Variants in LARP1B observed in about 807,000 individuals in gnomAD.
The protein encoded by LARP1B is la-related protein 1B.
A neutral mutation model predicts 114.2 loss-of-function variants in LARP1B; 76 were observed. That is an observed-to-expected ratio of 0.67 (90% CI 0.55 to 0.81). The LOEUF is 0.81. Among genes scored for constraint, LARP1B ranks in the 30% least tolerant of loss-of-function variants. The pLI, the probability that LARP1B is intolerant of heterozygous loss-of-function variation, is 0.00. For missense variants in LARP1B, 1,014 were observed against 1,075.8 expected, an observed-to-expected ratio of 0.94 and a Z score of 0.80; for synonymous variants, 345 against 348.0, an observed-to-expected ratio of 0.99 and a Z score of 0.10.
Position 128,121,878 on chromosome 4 carries a change from A to G in LARP1B, c.1214A>G (p.Glu405Gly), listed in dbSNP as rs750004205. 18 of 1,611,362 alleles carry G rather than the reference A, an allele frequency of 1.1e-5. No individual in the cohort carries two copies. The South Asian group carries it at 1.4e-4, about 13-fold the overall frequency. The change falls in exon 11 of 20, where the codon GAA becomes GGA. Residue 405 changes from glutamate (E) to glycine (G), a missense_variant. Glu to Gly is a moderately conservative substitution (Grantham distance 98). Transcript: ENST00000326639. Reference protein sequence around the residue: ...GSLNQLCSSEEPEQEELDFLF... With the variant: ...GSLNQLCSSEGPEQEELDFLF... ...TTAAATCAGCTATGTTCTTCAGAAG[A>G]ACCAGAACAAGAAGAACTTGATTTT...
chr4:128,080,719 G>A (rs1480456157), intron 4 of LARP1B, among the ~76,000 whole-genome samples: 11 of 152,002 alleles, frequency 7.2e-5, no homozygotes, highest in Non-Finnish European at 1.5e-4. Context: ...TAAATAATTA[G>A]TTACATTGTC....
chr4:128,126,456 CA>C (rs1561326796), intron 11 of LARP1B, among the ~76,000 whole-genome samples: 1 of 151,988 alleles, frequency 6.6e-6, no homozygotes, highest in Non-Finnish European at 1.5e-5. Flanking sequence ...GATTATTAAA[CA>C]AAATATGCAG....
rs1265840542 is a variant in LARP1B at position 128,114,716 on chromosome 4, C to T, written c.1135C>T (p.His379Tyr). 1 of 1,614,040 alleles carries T rather than the reference C, an allele frequency of 6.2e-7. No homozygotes were observed. Among genetic ancestry groups the T allele is most frequent in the South Asian group, 1.1e-5 (1 of 91,062 alleles). ...SEPWIEVKKR[H>Y]QPAPVKLRES... ...ACCTTGGATAGAAGTTAAAAAAAGA[C>T]ATCAGCCAGCCCCAGTGAAATTGAG... is the stretch of plus-strand genomic sequence containing the variant. Residue 379 changes from histidine (H) to tyrosine (Y), a missense_variant, in exon 10 of 20, where the codon CAT (histidine) becomes TAT (tyrosine). By Grantham distance (83) the His-to-Tyr change is moderately conservative. Coordinates refer to ENST00000326639, the MANE Select transcript of LARP1B (RefSeq NM_018078.4).
chr4:128,090,928 T>C lies in LARP1B; in HGVS notation c.359-73T>C, dbSNP rs542378824. On this transcript the variant is annotated intron_variant, in intron 5 of 19. Transcript: ENST00000326639. Reference sequence around the variant, plus strand: ...ACAAAGTGGAAGAAGGTGGCTATTATGTTTTCATAAAGACAATCATGTTAT... The same window carrying C: ...ACAAAGTGGAAGAAGGTGGCTATTACGTTTTCATAAAGACAATCATGTTAT... The C allele has an allele frequency of 3.8e-5, 45 of 1,193,934 alleles. No homozygotes were observed. In the South Asian group the frequency reaches 5.8e-4, roughly 15 times the overall value. 74.0% of individuals were successfully genotyped at this position (1,193,934 alleles called of 1,614,324 possible).
chr4:128,197,724 C>A (rs977921670), intron 15 of LARP1B, among the ~76,000 whole-genome samples: 16 of 151,812 alleles, frequency 1.1e-4, no homozygotes, highest in African/African-American at 3.1e-4. Flanking sequence ...AGAAAAAAAA[C>A]CTATTTTTTT....
intron 12 of LARP1B, among the ~76,000 whole-genome samples, chr4:128,167,431 T>C (rs1741613653): frequency 6.6e-6 from 1 of 152,094 alleles, no homozygotes; most frequent in Non-Finnish European, 1.5e-5. Flanking sequence ...ATTCTTGCTA[T>C]TGAGTTGTCT....
intron 17 of LARP1B, 31 bp downstream of exon 17, chr4:128,200,696 G>C: frequency 6.9e-7 from 1 of 1,451,604 alleles, no homozygotes. Context: ...CTTCAAGGGA[G>C]TTTTATTATT....
chr4:128,077,500 T>TCCCGCC (rs1398152341), intron 3 of LARP1B, among the ~76,000 whole-genome samples: 1 of 146,154 alleles, frequency 6.8e-6, no homozygotes, highest in South Asian at 2.2e-4. Context: ...GACTCTGTCC[T>TCCCGCC]CCCGCCCCCG....
At chr4:128,136,456 G>T (rs1391666002) in intron 11 of LARP1B, among the ~76,000 whole-genome samples, 1 of 152,088 alleles carries the variant, frequency 6.6e-6, no homozygotes, top group African/African-American at 2.4e-5. Flanking sequence ...AAAAAGTGAA[G>T]TTTATCAGAG....
Position 128,206,550 on chromosome 4 carries a change from T to A in LARP1B, c.2419+13T>A. 6.3e-7 allele frequency: 1 copy of A among 1,593,380 alleles called. No homozygotes were observed. Among genetic ancestry groups the A allele is most frequent in the Non-Finnish European group, 8.6e-7 (1 of 1,168,970 alleles). ...GACTACGAATCTGGTAACAATAACA[T>A]CAGAAAACTTGTACTCTAATTGGAA... On this transcript the variant is annotated intron_variant, in intron 18 of 19. Transcript: ENST00000326639.
intron 1 of LARP1B, among the ~76,000 whole-genome samples, chr4:128,064,706 C>T (rs900489740): frequency 2.6e-5 from 4 of 152,096 alleles, no homozygotes; most frequent in African/African-American, 9.7e-5. Context: ...AGTAGGAACT[C>T]TTTGTTGATC....
At chr4:128,177,324 G>A (rs1292572774) in intron 13 of LARP1B, among the ~76,000 whole-genome samples, 1 of 152,108 alleles carries the variant, frequency 6.6e-6, no homozygotes, top group Non-Finnish European at 1.5e-5. Context: ...GCAAATAGCG[G>A]GCACTTAGTA....
intron 15 of LARP1B, among the ~76,000 whole-genome samples, chr4:128,192,314 A>G (rs1752551052): frequency 1.3e-5 from 2 of 152,164 alleles, no homozygotes; most frequent in Admixed American, 6.5e-5. Flanking sequence ...CTAGAATTGA[A>G]CCAGCAATAT....
At chr4:128,176,692 G>A (rs1218372518) in intron 12 of LARP1B, among the ~76,000 whole-genome samples, 180 bp from the exon 13 acceptor site, 2 of 152,172 alleles carry the variant, frequency 1.3e-5, no homozygotes, top group African/African-American at 2.4e-5. Context: ...CAAACATTAT[G>A]TATGGTAGGC....
intron 8 of LARP1B, among the ~76,000 whole-genome samples, chr4:128,102,040 G>A (rs115715537): frequency 5.8e-4 from 88 of 152,298 alleles, no homozygotes; most frequent in Non-Finnish European, 1.1e-3. Context: ...TTGAGCTACT[G>A]TTATGGTTAG....
chr4:128,093,214 AGTC>A (rs889214703), intron 7 of LARP1B, among the ~76,000 whole-genome samples: 1 of 152,136 alleles, frequency 6.6e-6, no homozygotes, highest in Admixed American at 6.6e-5. Flanking sequence ...GCTTTGAAGG[AGTC>A]GTGCTTTTTA....
At chr4:128,134,270 G>T in intron 11 of LARP1B, among the ~76,000 whole-genome samples, 1 of 151,988 alleles carries the variant, frequency 6.6e-6, no homozygotes, top group African/African-American at 2.4e-5. Flanking sequence ...CAAAGTATTG[G>T]GATTACAGGT....
At chr4:128,166,038 C>T (rs1581197207) in intron 12 of LARP1B, among the ~76,000 whole-genome samples, 2 of 152,008 alleles carry the variant, frequency 1.3e-5, no homozygotes, top group African/African-American at 4.8e-5. Context: ...ACCAGACCTC[C>T]ATCCTGTATT....
At chr4:128,105,753 G>A (rs775124192) in intron 8 of LARP1B, among the ~76,000 whole-genome samples, 6 of 152,080 alleles carry the variant, frequency 3.9e-5, no homozygotes, top group Non-Finnish European at 8.8e-5. Context: ...TTAGCCGGGT[G>A]TGGTAGTGGG....
Sources: allele counts gnomAD v4.1 joint callset (sites outside exome capture counted in the v4.1 genomes callset), GRCh38; gene constraint gnomAD v4.1.1; transcripts MANE v1.5; gene names NCBI Gene and HGNC (gene_info 2026-07-23, HGNC 2026-07-21).